The following ATRNL1 variants were observed in gnomAD, a reference collection of about 807,000 sequenced individuals.
ATRNL1 encodes attractin like 1.
Under a neutral mutation model 182.7 loss-of-function variants are expected in ATRNL1, and 95 were observed. The observed-to-expected ratio is 0.52, with a 90% confidence interval of 0.44 to 0.62. The LOEUF (loss-of-function observed/expected upper bound fraction) is 0.62. Ranked by LOEUF, ATRNL1 falls within the 20% of genes least tolerant of loss-of-function variation. ATRNL1 has a pLI of 0.00. For synonymous variants in ATRNL1, 576 were observed against 568.3 expected (o/e 1.01, Z -0.19); for missense variants, 1,471 against 1,679.5 (o/e 0.88, Z 2.17).
At chr10:115,846,579 A>T (rs139638978) in intron 27 of ATRNL1, among the ~76,000 whole-genome samples, 9 of 152,120 alleles carry the variant, frequency 5.9e-5, no homozygotes, top group Non-Finnish European at 8.8e-5. Flanking sequence ...TTGCTTTGAT[A>T]TATCAACCAT....
chr10:115,919,662 ATATATAGTCTTAGTCCATGGG>A (rs1952985879), intron 28 of ATRNL1, among the ~76,000 whole-genome samples: 1 of 152,164 alleles, frequency 6.6e-6, no homozygotes, highest in Non-Finnish European at 1.5e-5. Flanking sequence ...ATACACATAT[ATATATAGTCTTAGTCCATGGG>A]CTGTTACAAC....
Position 115,337,096 on chromosome 10 carries a change from C to T in ATRNL1, c.3175+2677C>T, listed in dbSNP as rs782606798. On this transcript the variant is annotated intron_variant, in intron 19 of 28. Coordinates refer to ENST00000355044, the MANE Select transcript of ATRNL1 (RefSeq NM_207303.4). Reference sequence around the variant, plus strand: ...CAGGCTGGTCTTAAACTCCTGACCTCGTGATCTGTCTGCCTCAGCCTCCCA... The same window carrying T: ...CAGGCTGGTCTTAAACTCCTGACCTTGTGATCTGTCTGCCTCAGCCTCCCA... Among the ~76,000 whole-genome samples, 9 of 151,388 alleles carry T rather than the reference C, an allele frequency of 5.9e-5. No individual in the cohort carries two copies. The East Asian group carries it at 1.2e-3, about 20-fold the overall frequency.
intron 26 of ATRNL1, among the ~76,000 whole-genome samples, chr10:115,583,147 A>G (rs1232695429): frequency 1.3e-5 from 2 of 150,078 alleles, no homozygotes; most frequent in African/African-American, 4.9e-5. Context: ...TGGTTACTGT[A>G]TCCTGGTAGT....
intron 19 of ATRNL1, among the ~76,000 whole-genome samples, chr10:115,379,634 T>A (rs1554950516): frequency 6.6e-6 from 1 of 152,214 alleles, no homozygotes; most frequent in East Asian, 1.9e-4. Context: ...ATATTCATTA[T>A]TTTTGAAGTT....
intron 10 of ATRNL1, among the ~76,000 whole-genome samples, chr10:115,257,790 T>C (rs1007135131): frequency 6.6e-6 from 1 of 152,246 alleles, no homozygotes; most frequent in Non-Finnish European, 1.5e-5. Context: ...GGAGCTCTTG[T>C]AAGGCAGGCC....
chr10:115,635,160 G>C (rs1008319176), intron 26 of ATRNL1, among the ~76,000 whole-genome samples: 1 of 151,920 alleles, frequency 6.6e-6, no homozygotes, highest in Non-Finnish European at 1.5e-5. Context: ...ATTAAAGTAA[G>C]AACTTATCTT....
chr10:115,683,940 G>T lies in ATRNL1; in HGVS notation c.3796-43308G>T, dbSNP rs557251758. On this transcript the variant is annotated intron_variant, in intron 26 of 28. Coordinates refer to ENST00000355044, the MANE Select transcript of ATRNL1 (RefSeq NM_207303.4). ...AGCTCTGCCTAAGAAAATTTTCATTGACCTGTGTTTTAGCCCAATTAGACT... is the reference window on the plus strand; with the variant it reads ...AGCTCTGCCTAAGAAAATTTTCATTTACCTGTGTTTTAGCCCAATTAGACT... Among the ~76,000 whole-genome samples, 58 of 151,772 alleles carry T rather than the reference G, an allele frequency of 3.8e-4. 1 individual carries two copies. The South Asian group carries it at 0.012, about 30-fold the overall frequency.
intron 26 of ATRNL1, among the ~76,000 whole-genome samples, chr10:115,560,139 T>C (rs1554998898): frequency 1.3e-5 from 2 of 152,066 alleles, no homozygotes; most frequent in African/African-American, 4.8e-5. Context: ...CAAAATAGCA[T>C]CAATAAGAAT....
chr10:115,208,103 A>G (rs1224203277), intron 8 of ATRNL1, among the ~76,000 whole-genome samples: 6 of 151,978 alleles, frequency 3.9e-5, no homozygotes, highest in African/African-American at 7.2e-5. Flanking sequence ...ATCTTGTGCT[A>G]ATTCTGTTAA....
At chr10:115,426,930 G>A (rs1845929730) in intron 21 of ATRNL1, among the ~76,000 whole-genome samples, 1 of 152,054 alleles carries the variant, frequency 6.6e-6, no homozygotes, top group Admixed American at 6.6e-5. Context: ...TTGCCACGTT[G>A]GTCAGGCTGG....
intron 24 of ATRNL1, among the ~76,000 whole-genome samples, chr10:115,480,558 GTAT>G (rs199624719): frequency 0.019 from 2,921 of 151,128 alleles, 64 homozygotes; most frequent in East Asian, 0.12. Context: ...AGTTAAAGAT[GTAT>G]TAACTATACT....
intron 26 of ATRNL1, among the ~76,000 whole-genome samples, chr10:115,624,274 C>T (rs1413170314): frequency 1.3e-5 from 2 of 151,650 alleles, no homozygotes; most frequent in Non-Finnish European, 2.9e-5. Context: ...AATTATGCCT[C>T]CTAAAATACT....
intron 27 of ATRNL1, among the ~76,000 whole-genome samples, chr10:115,813,595 C>G (rs1271655227): frequency 6.6e-6 from 1 of 152,034 alleles, no homozygotes; most frequent in Non-Finnish European, 1.5e-5. Context: ...ATTCTTTTGG[C>G]ATTAGATTAT....
chr10:115,305,758 G>T (rs116212221), intron 17 of ATRNL1, among the ~76,000 whole-genome samples: 1 of 152,094 alleles, frequency 6.6e-6, no homozygotes, highest in Non-Finnish European at 1.5e-5. Flanking sequence ...TTAGAAATGC[G>T]TATTTAGGTG....
chr10:115,702,235 T>G (rs1158570640), intron 26 of ATRNL1, among the ~76,000 whole-genome samples: 2 of 151,602 alleles, frequency 1.3e-5, no homozygotes, highest in African/African-American at 2.4e-5. Context: ...ATGATAAAAA[T>G]CCTGAAAAAA....
At chr10:115,592,962 T>TCTAG (rs1856004081) in intron 26 of ATRNL1, among the ~76,000 whole-genome samples, 1 of 152,242 alleles carries the variant, frequency 6.6e-6, no homozygotes, top group African/African-American at 2.4e-5. Context: ...TATCTATCTA[T>TCTAG]CTAGCTTAGT....
chr10:115,682,444 G>A (rs1476376354), intron 26 of ATRNL1, among the ~76,000 whole-genome samples: 6 of 152,130 alleles, frequency 3.9e-5, no homozygotes, highest in African/African-American at 1.4e-4. Flanking sequence ...GGCTGGTACA[G>A]GAGAATTGCT....
At chr10:115,109,667 T>C (rs1844176892) in intron 1 of ATRNL1, among the ~76,000 whole-genome samples, 1 of 152,194 alleles carries the variant, frequency 6.6e-6, no homozygotes, top group Admixed American at 6.5e-5. Flanking sequence ...ATGTCAAGGA[T>C]GGCTGTTATT....
At chr10:115,713,675 T>TTCTATCTATCTA (rs56673702) in intron 26 of ATRNL1, among the ~76,000 whole-genome samples, 3,842 of 114,202 alleles carry the variant, frequency 0.034, 81 homozygotes, top group East Asian at 0.13. Context: ...AGGTTCTGTT[T>TTCTATCTATCTA]TCTATCTATC....
Sources: gnomAD v4.1 joint callset for allele counts (sites outside exome capture counted in the v4.1 genomes callset) on GRCh38, gnomAD v4.1.1 for gene constraint, MANE v1.5 for transcripts, NCBI Gene and HGNC (gene_info 2026-07-23, HGNC 2026-07-21) for gene names.